PALLD: variants seen among roughly 807,000 people sequenced by gnomAD.
PALLD encodes palladin.
Under a neutral mutation model 123.5 loss-of-function variants are expected in PALLD, and 61 were observed. That is an observed-to-expected ratio of 0.49 (90% CI 0.40 to 0.61). PALLD has a LOEUF of 0.61. PALLD is among the 20% of genes least tolerant of loss of function. The probability of loss-of-function intolerance (pLI) is 0.00; values close to 1 mark genes in which losing one functional copy is unlikely to be tolerated. For synonymous variants in PALLD, 465 were observed against 496.4 expected (o/e 0.94, Z 0.84); for missense variants, 1,273 against 1,377.0 (o/e 0.92, Z 1.20).
At chr4:168,746,490 G>A (rs761702269) in intron 10 of PALLD, among the ~76,000 whole-genome samples, 1 of 148,414 alleles carries the variant, frequency 6.7e-6, no homozygotes, top group Non-Finnish European at 1.5e-5. Context: ...GAGTCCTTAA[G>A]CAAAAGGACT....
chr4:168,549,778 C>CAA (rs11399128), intron 2 of PALLD, among the ~76,000 whole-genome samples: 23 of 148,236 alleles, frequency 1.6e-4, no homozygotes, highest in East Asian at 5.9e-4. Context: ...ACAAGAACCA[C>CAA]AAAAAAAAAA....
intron 2 of PALLD, among the ~76,000 whole-genome samples, chr4:168,551,620 T>C (rs1194431404): frequency 6.6e-6 from 1 of 152,108 alleles, no homozygotes; most frequent in Non-Finnish European, 1.5e-5. Context: ...TCAAAGGCCC[T>C]TGACAATAGT....
At chr4:168,906,683 G>A (rs758355631) in intron 15 of PALLD, among the ~76,000 whole-genome samples, 1 of 152,106 alleles carries the variant, frequency 6.6e-6, no homozygotes, top group Non-Finnish European at 1.5e-5. Flanking sequence ...GGAGTACAGT[G>A]GCATAATCAT....
At chr4:168,821,570 A>G (rs569051836) in intron 10 of PALLD, among the ~76,000 whole-genome samples, 1 of 152,300 alleles carries the variant, frequency 6.6e-6, no homozygotes, top group Admixed American at 6.5e-5. Context: ...AATTAGATGA[A>G]TATACGTATA....
intron 10 of PALLD, among the ~76,000 whole-genome samples, chr4:168,838,667 C>CTTTT (rs70961558): frequency 3.4e-5 from 3 of 88,778 alleles, no homozygotes; most frequent in Non-Finnish European, 6.2e-5. Flanking sequence ...CTTCTAACTC[C>CTTTT]TTTTTTTTTT....
rs527948554 is a variant in PALLD at position 168,577,756 on chromosome 4, T to C, written c.908+65344T>C. Among the ~76,000 whole-genome samples the C allele has an allele frequency of 4.1e-5, 6 of 148,062 alleles. No individual in the cohort carries two copies. The South Asian group carries it at 1.0e-3, about 26-fold the overall frequency. Reference sequence around the variant, plus strand: ...TTTGGAAACTGAAAGAAAGGCTAAATTGACCATTACGCAAAAGAGGCCACC... The same window carrying C: ...TTTGGAAACTGAAAGAAAGGCTAAACTGACCATTACGCAAAAGAGGCCACC... On this transcript the variant is annotated intron_variant, in intron 2 of 21. Coordinates refer to ENST00000505667, the MANE Select transcript of PALLD (RefSeq NM_001166108.2).
At chr4:168,794,506 G>GCACACACACATGCACA (rs1738186540) in intron 10 of PALLD, among the ~76,000 whole-genome samples, 1 of 143,854 alleles carries the variant, frequency 7.0e-6, no homozygotes, top group Non-Finnish European at 1.5e-5. Flanking sequence ...ACACACACAC[G>GCACACACACATGCACA]CACACACACA....
At chr4:168,886,127 C>G (rs1367684592) in intron 10 of PALLD, among the ~76,000 whole-genome samples, 1 of 152,012 alleles carries the variant, frequency 6.6e-6, no homozygotes, top group East Asian at 1.9e-4. Context: ...AGTGTTGAGA[C>G]TATCATGATG....
chr4:168,502,471 T>C (rs1761518916), intron 1 of PALLD, among the ~76,000 whole-genome samples: 1 of 152,238 alleles, frequency 6.6e-6, no homozygotes, highest in Non-Finnish European at 1.5e-5. Flanking sequence ...ATTTTATATG[T>C]AGACACAAAC....
chr4:168,701,720 C>T (rs1783689037), intron 8 of PALLD, among the ~76,000 whole-genome samples: 1 of 152,228 alleles, frequency 6.6e-6, no homozygotes, highest in Admixed American at 6.5e-5. Context: ...CCCAGAACCT[C>T]TGTCTTTCCA....
chr4:168,508,410 A>T (rs1328898354), intron 1 of PALLD, among the ~76,000 whole-genome samples: 1 of 152,220 alleles, frequency 6.6e-6, no homozygotes, highest in Non-Finnish European at 1.5e-5. Context: ...TCCCTAGCGC[A>T]CTACCAGGCA....
chr4:168,837,408 G>A (rs1745352552), intron 10 of PALLD, among the ~76,000 whole-genome samples: 1 of 152,234 alleles, frequency 6.6e-6, no homozygotes, highest in Non-Finnish European at 1.5e-5. Flanking sequence ...GTCTTCAGTA[G>A]TAGAAGGAAA....
chr4:168,806,985 G>A (rs137946007), intron 10 of PALLD, among the ~76,000 whole-genome samples: 3 of 152,118 alleles, frequency 2.0e-5, no homozygotes, highest in East Asian at 3.9e-4. Flanking sequence ...TGCTAAACAC[G>A]TGCCCGGAGC....
rs151032585 is a variant in PALLD, at chr4:168,829,565, TAAGG to T, written c.1965-61353_1965-61350del. ...CAGATTAATCCCATTATTGTGGAAA[TAAGG>T]AAGCTTCAGAGTCCCACAGTTAATG... On this transcript the variant is annotated intron_variant, in intron 10 of 21. Transcript: ENST00000505667. Among the ~76,000 whole-genome samples, 657 of 152,262 alleles carry T rather than the reference TAAGG, an allele frequency of 4.3e-3. 8 individuals are homozygous for T. The highest frequency in any genetic ancestry group is 0.015 in the African/African-American group (626 of 41,534).
chr4:168,636,226 C>T (rs1352406110), intron 2 of PALLD, among the ~76,000 whole-genome samples: 1 of 152,078 alleles, frequency 6.6e-6, no homozygotes, highest in African/African-American at 2.4e-5. Flanking sequence ...TAAGCATGAG[C>T]CTGTAATCCC....
chr4:168,587,104 C>A (rs1417250448), intron 2 of PALLD, among the ~76,000 whole-genome samples: 1 of 152,108 alleles, frequency 6.6e-6, no homozygotes, highest in African/African-American at 2.4e-5. Flanking sequence ...GCCCTGGACA[C>A]CCCCCGACGA....
rs70961551 is a variant in PALLD at position 168,689,432 on chromosome 4, C to CTTTTTT, written c.1336-1143_1336-1138dup. ...TACACCTTACATTCGATCCAATATT[C>CTTTTTT]TTTTTTTTTTTTTTTTTTTTTTTTT... On this transcript the variant is annotated intron_variant, in intron 6 of 21. Transcript: ENST00000505667. Among the ~76,000 whole-genome samples the CTTTTTT allele has an allele frequency of 6.7e-3, 333 of 49,876 alleles. 52 individuals carry two copies. The highest frequency in any genetic ancestry group is 9.6e-3 in the Non-Finnish European group (253 of 26,392). 32.7% of individuals were successfully genotyped at this position (49,876 alleles called of 152,430 possible).
chr4:168,562,566 C>G (rs1484756331), intron 2 of PALLD, among the ~76,000 whole-genome samples: 2 of 152,116 alleles, frequency 1.3e-5, no homozygotes, highest in Non-Finnish European at 2.9e-5. Flanking sequence ...ACCAGGACTA[C>G]AGGATTACTT....
intron 10 of PALLD, among the ~76,000 whole-genome samples, chr4:168,828,035 C>T (rs28419684): frequency 0.63 from 95,186 of 151,944 alleles, 30,398 homozygotes; most frequent in Non-Finnish European, 0.7. Flanking sequence ...TGCAGGACTC[C>T]GTCTCAAAAC....
Sources: gnomAD v4.1 joint callset for allele counts (sites outside exome capture counted in the v4.1 genomes callset) on GRCh38, gnomAD v4.1.1 for gene constraint, MANE v1.5 for transcripts, NCBI Gene and HGNC (gene_info 2026-07-23, HGNC 2026-07-21) for gene names.